LUZP2: variants seen among roughly 807,000 people sequenced by gnomAD.
LUZP2 encodes leucine zipper protein 2.
LUZP2 carries 52 observed loss-of-function variants against 51.6 expected under a neutral mutation model. That is an observed-to-expected ratio of 1.01 (90% CI 0.81 to 1.27). The LOEUF is 1.27. Among genes scored for constraint, LUZP2 ranks in the 50% most tolerant of loss-of-function variants. LUZP2 has a pLI of 0.00. For synonymous variants in LUZP2, 154 were observed against 137.3 expected, an observed-to-expected ratio of 1.12 and a Z score of -0.85; for missense variants, 436 against 395.4, an observed-to-expected ratio of 1.10 and a Z score of -0.87.
chr11:24,850,427 C>A (rs1055761055), intron 5 of LUZP2, among the ~76,000 whole-genome samples: 2 of 151,804 alleles, frequency 1.3e-5, no homozygotes, highest in African/African-American at 2.4e-5. Context: ...AAAGATCAGG[C>A]AGTTGTAGAT....
chr11:24,597,770 G>A (rs1853490463), intron 1 of LUZP2, among the ~76,000 whole-genome samples: 1 of 152,116 alleles, frequency 6.6e-6, no homozygotes, highest in African/African-American at 2.4e-5. Context: ...AGTTTAGAGT[G>A]TAAGGAGTTA....
intron 5 of LUZP2, among the ~76,000 whole-genome samples, chr11:24,813,186 A>G (rs1850071619): frequency 6.6e-6 from 1 of 152,148 alleles, no homozygotes; most frequent in Non-Finnish European, 1.5e-5. Flanking sequence ...GAGTCTTATA[A>G]TTCCCTATTC....
chr11:25,002,858 T>C (rs575590412), intron 9 of LUZP2, among the ~76,000 whole-genome samples: 2 of 152,270 alleles, frequency 1.3e-5, no homozygotes, highest in East Asian at 3.9e-4. Context: ...TTCTACTAGA[T>C]AAGTATTTGC....
At chr11:24,966,210 G>A (rs571126907) in intron 7 of LUZP2, among the ~76,000 whole-genome samples, 3 of 151,480 alleles carry the variant, frequency 2.0e-5, no homozygotes, top group African/African-American at 7.2e-5. Context: ...AAAAAATGTG[G>A]TTGTTTGTAT....
intron 5 of LUZP2, among the ~76,000 whole-genome samples, chr11:24,857,276 TATATATATATATAC>T (rs1565000279): frequency 4.3e-5 from 4 of 93,290 alleles, no homozygotes; most frequent in Non-Finnish European, 6.2e-5. Flanking sequence ...CATGGGGATA[TATATATATATATAC>T]ATATATATAT....
intron 5 of LUZP2, among the ~76,000 whole-genome samples, chr11:24,827,443 T>C (rs895402335): frequency 6.6e-6 from 1 of 152,116 alleles, no homozygotes; most frequent in African/African-American, 2.4e-5. Context: ...GATGACACAA[T>C]GAGGAGGGCA....
intron 1 of LUZP2, among the ~76,000 whole-genome samples, chr11:24,703,850 A>C (rs1167974270): frequency 1.4e-5 from 1 of 69,766 alleles, no homozygotes; most frequent in East Asian, 5.6e-4. Flanking sequence ...CAAACAAACA[A>C]ACAAAAAAAA....
At chr11:24,765,344 A>C (rs560857675) in intron 5 of LUZP2, among the ~76,000 whole-genome samples, 103 of 152,288 alleles carry the variant, frequency 6.8e-4, no homozygotes, top group African/African-American at 2.2e-3. Context: ...GATACAAATA[A>C]ATTTCTGGAA....
intron 1 of LUZP2, among the ~76,000 whole-genome samples, chr11:24,530,550 G>C (rs1850959623): frequency 6.6e-6 from 1 of 150,668 alleles, no homozygotes; most frequent in South Asian, 2.1e-4. Context: ...AAAAATTATT[G>C]TTAAAAACAA....
At chr11:25,019,471 A>T (rs892072215) in intron 9 of LUZP2, among the ~76,000 whole-genome samples, 1 of 152,090 alleles carries the variant, frequency 6.6e-6, no homozygotes, top group Non-Finnish European at 1.5e-5. Context: ...TACCATAAAC[A>T]ATTTATCTCC....
intron 9 of LUZP2, among the ~76,000 whole-genome samples, chr11:25,007,179 C>T (rs1183002360): frequency 6.6e-6 from 1 of 152,188 alleles, no homozygotes; most frequent in Non-Finnish European, 1.5e-5. Flanking sequence ...CTTAGCTAGA[C>T]AGAAAAGTTC....
chr11:25,066,462 T>C (rs1299890176), intron 10 of LUZP2, among the ~76,000 whole-genome samples: 2 of 151,936 alleles, frequency 1.3e-5, no homozygotes, highest in African/African-American at 4.8e-5. Context: ...TTTAAATTTG[T>C]CCATTTGCTT....
chr11:24,590,003 T>G (rs544463950), intron 1 of LUZP2, among the ~76,000 whole-genome samples: 2 of 152,310 alleles, frequency 1.3e-5, no homozygotes, highest in African/African-American at 4.8e-5. Context: ...ATGGACTATT[T>G]TTTGTGTAAT....
chr11:24,848,257 A>G (rs1357022400), intron 5 of LUZP2, among the ~76,000 whole-genome samples: 1 of 152,182 alleles, frequency 6.6e-6, no homozygotes, highest in African/African-American at 2.4e-5. Context: ...AAACCTACAG[A>G]TCTAATCCAA....
intron 7 of LUZP2, among the ~76,000 whole-genome samples, chr11:24,922,252 G>T (rs1207523103): frequency 6.6e-6 from 1 of 152,042 alleles, no homozygotes; most frequent in Non-Finnish European, 1.5e-5. Flanking sequence ...CACCACAGTG[G>T]CATGTGTCAT....
intron 7 of LUZP2, among the ~76,000 whole-genome samples, chr11:24,958,814 A>G (rs1319835961): frequency 2.0e-5 from 3 of 152,176 alleles, no homozygotes; most frequent in Non-Finnish European, 2.9e-5. Context: ...TGTTTTAGAC[A>G]TGAAGTCCTT....
intron 5 of LUZP2, among the ~76,000 whole-genome samples, chr11:24,902,967 A>G (rs937735694): frequency 2.6e-5 from 4 of 152,172 alleles, no homozygotes; most frequent in East Asian, 1.9e-4. Context: ...TTTAAATAGT[A>G]TATACTACAG....
chr11:24,938,786 G>A (rs1565135425), intron 7 of LUZP2, among the ~76,000 whole-genome samples: 1 of 152,170 alleles, frequency 6.6e-6, no homozygotes, highest in Non-Finnish European at 1.5e-5. Flanking sequence ...CACAGTCTTA[G>A]GGGTTGCCCA....
chr11:24,693,582 A>G (rs1241057659), intron 1 of LUZP2, among the ~76,000 whole-genome samples: 2 of 152,010 alleles, frequency 1.3e-5, no homozygotes, highest in African/African-American at 4.8e-5. Flanking sequence ...ACAATAAAAC[A>G]AGGAAAACTA....
Sources: gnomAD v4.1 joint callset for allele counts (sites outside exome capture counted in the v4.1 genomes callset) on GRCh38, gnomAD v4.1.1 for gene constraint, MANE v1.5 for transcripts, NCBI Gene and HGNC (gene_info 2026-07-23, HGNC 2026-07-21) for gene names.